The following PCDH15 variants were observed in gnomAD, a reference collection of about 807,000 sequenced individuals.
The protein encoded by PCDH15 is protocadherin-15.
Under a neutral mutation model 178.5 loss-of-function variants are expected in PCDH15, and 129 were observed. That is an observed-to-expected ratio of 0.72 (90% CI 0.63 to 0.84). The LOEUF is 0.84. PCDH15 is among the 40% of genes least tolerant of loss of function. The pLI is 0.00. For synonymous variants in PCDH15, 800 were observed against 732.0 expected (o/e 1.09, Z -1.50); for missense variants, 2,230 against 2,099.9 (o/e 1.06, Z -1.21).
At chr10:55,166,273 A>T (rs1396912439) in intron 2 of PCDH15, among the ~76,000 whole-genome samples, 2 of 152,176 alleles carry the variant, frequency 1.3e-5, no homozygotes, top group Non-Finnish European at 2.9e-5. Flanking sequence ...TGAAACAATC[A>T]ATGAAGAATA....
At chr10:54,351,611 G>A (rs1202899161) in intron 5 of PCDH15, among the ~76,000 whole-genome samples, 1 of 151,958 alleles carries the variant, frequency 6.6e-6, no homozygotes, top group Non-Finnish European at 1.5e-5. Flanking sequence ...CTGGAATACT[G>A]TATCCACATC....
intron 1 of PCDH15, among the ~76,000 whole-genome samples, chr10:55,214,917 T>C (rs968063374): frequency 6.6e-6 from 1 of 152,138 alleles, no homozygotes; most frequent in African/African-American, 2.4e-5. Context: ...TACAGTGTAA[T>C]GGTAGTGCTT....
intron 3 of PCDH15, among the ~76,000 whole-genome samples, chr10:54,486,557 TTTC>T (rs1011289437): frequency 6.6e-6 from 1 of 151,762 alleles, no homozygotes; most frequent in Non-Finnish European, 1.5e-5. Context: ...TCATTCTTCC[TTTC>T]TTTCTTCCTT....
intron 2 of PCDH15, among the ~76,000 whole-genome samples, chr10:54,944,111 T>A (rs990554580): frequency 1.3e-5 from 2 of 151,848 alleles, no homozygotes; most frequent in South Asian, 2.1e-4. Flanking sequence ...AAATCCCACA[T>A]AAGCAAAGTG....
chr10:55,571,004 T>C (rs1842398641), intron 2 of PCDH15, among the ~76,000 whole-genome samples: 1 of 152,040 alleles, frequency 6.6e-6, no homozygotes, highest in East Asian at 1.9e-4. Context: ...GTTTGGATGT[T>C]TTCTCCCCTC....
intron 2 of PCDH15, chr10:55,599,298 C>T (rs1159170387): frequency 1.3e-5 from 2 of 152,092 alleles, no homozygotes; most frequent in Non-Finnish European, 2.9e-5. Context: ...GCTGATTGTC[C>T]AAGGTAGAAT....
At chr10:53,831,163 A>G in intron 30 of PCDH15, 152 bp downstream of exon 30, 1 of 820,608 alleles carries the variant, frequency 1.2e-6, no homozygotes, top group East Asian at 2.5e-5. Context: ...CCTTTTGAAG[A>G]AAATCATTTG....
At chr10:55,356,482 T>G (rs1271928563) in intron 2 of PCDH15, among the ~76,000 whole-genome samples, 1 of 151,846 alleles carries the variant, frequency 6.6e-6, no homozygotes, top group Non-Finnish European at 1.5e-5. Context: ...TTATTTTTGT[T>G]TTTGTTTTTT....
At chr10:54,141,879 T>G (rs1289240858) in intron 14 of PCDH15, among the ~76,000 whole-genome samples, 3 of 152,194 alleles carry the variant, frequency 2.0e-5, no homozygotes, top group Non-Finnish European at 4.4e-5. Context: ...ATGATGCTCT[T>G]TTAAGTAGCT....
intron 9 of PCDH15, among the ~76,000 whole-genome samples, chr10:54,215,348 A>G (rs922374408): frequency 7.9e-5 from 12 of 152,142 alleles, no homozygotes; most frequent in Admixed American, 6.5e-5. Context: ...TGAGGGGGAA[A>G]AAAAACAGAA....
intron 1 of PCDH15, among the ~76,000 whole-genome samples, chr10:55,170,350 T>C (rs1346758865): frequency 1.3e-5 from 2 of 151,960 alleles, no homozygotes; most frequent in Non-Finnish European, 2.9e-5. Flanking sequence ...AGTCTTGATA[T>C]GTTGGCCAGT....
At chr10:54,497,126 T>C (rs2080195807) in intron 3 of PCDH15, among the ~76,000 whole-genome samples, 1 of 151,832 alleles carries the variant, frequency 6.6e-6, no homozygotes, top group Non-Finnish European at 1.5e-5. Flanking sequence ...CAAAGCCACA[T>C]CCTGGTCCAA....
intron 3 of PCDH15, among the ~76,000 whole-genome samples, chr10:54,818,486 G>A (rs891873450): frequency 6.6e-6 from 1 of 152,018 alleles, no homozygotes; most frequent in Admixed American, 6.6e-5. Context: ...CAGAGGAAGT[G>A]ACTGTAATTT....
intron 2 of PCDH15, among the ~76,000 whole-genome samples, chr10:55,484,475 A>G (rs2132121712): frequency 6.6e-6 from 1 of 151,856 alleles, no homozygotes; most frequent in South Asian, 2.1e-4. Context: ...TACTACCAAA[A>G]GAAATATACA....
chr10:54,974,172 CCA>C (rs2131896925), intron 2 of PCDH15, among the ~76,000 whole-genome samples: 1 of 151,768 alleles, frequency 6.6e-6, no homozygotes, highest in South Asian at 2.1e-4. Context: ...AAATGTCTTT[CCA>C]ATTAAGATAA....
intron 2 of PCDH15, chr10:54,606,713 G>A (rs952779972): frequency 6.6e-6 from 1 of 152,034 alleles, no homozygotes; most frequent in Non-Finnish European, 1.5e-5. Context: ...GTCTCTGTAG[G>A]CTGAAGGGTT....
At chr10:54,222,710 A>T (rs2052982302) in intron 9 of PCDH15, among the ~76,000 whole-genome samples, 1 of 152,180 alleles carries the variant, frequency 6.6e-6, no homozygotes, top group African/African-American at 2.4e-5. Context: ...TCATTGAGGT[A>T]TTAATTTGCA....
chr10:54,164,299 T>G (rs1389398533), intron 13 of PCDH15, among the ~76,000 whole-genome samples: 1 of 152,214 alleles, frequency 6.6e-6, no homozygotes, highest in Non-Finnish European at 1.5e-5. Flanking sequence ...ATTTCATCTC[T>G]CTGCCTCAGC....
intron 2 of PCDH15, among the ~76,000 whole-genome samples, chr10:55,370,839 T>C (rs543522767): frequency 2.6e-5 from 4 of 152,208 alleles, no homozygotes; most frequent in Non-Finnish European, 5.9e-5. Flanking sequence ...CACTCTGCAG[T>C]AGCATAGCTA....
Sources: allele counts gnomAD v4.1 joint callset (sites outside exome capture counted in the v4.1 genomes callset), GRCh38; gene constraint gnomAD v4.1.1; transcripts MANE v1.5; gene names NCBI Gene and HGNC (gene_info 2026-07-23, HGNC 2026-07-21).